RUNX1T1: variants seen among roughly 807,000 people sequenced by gnomAD.
The protein encoded by RUNX1T1 is protein CBFA2T1.
RUNX1T1 carries 4 observed loss-of-function variants against 62.8 expected under a neutral mutation model. The observed-to-expected ratio is 0.06, with a 90% CI of 0.03 to 0.15. RUNX1T1 has a LOEUF of 0.15. Ranked by LOEUF, RUNX1T1 falls within the 10% of genes least tolerant of loss-of-function variation. RUNX1T1 has a pLI of 1.00. For synonymous variants in RUNX1T1, 291 were observed against 286.0 expected, an observed-to-expected ratio of 1.02 and a Z score of -0.18; for missense variants, 508 against 754.3, an observed-to-expected ratio of 0.67 and a Z score of 3.82.
At chr8:92,085,577 A>G (rs555135816) in intron 1 of RUNX1T1, among the ~76,000 whole-genome samples, 9 of 152,210 alleles carry the variant, frequency 5.9e-5, no homozygotes, top group Non-Finnish European at 1.3e-4. Flanking sequence ...AATTCACTAC[A>G]GAGGGAGAAG....
chr8:92,057,263 A>C (rs991340637), intron 1 of RUNX1T1, among the ~76,000 whole-genome samples: 1 of 152,204 alleles, frequency 6.6e-6, no homozygotes, highest in Non-Finnish European at 1.5e-5. Flanking sequence ...TCTAGCCTTC[A>C]TTACAAAAGA....
At chr8:92,029,151 TA>T (rs1825785937) in intron 1 of RUNX1T1, among the ~76,000 whole-genome samples, 1 of 152,178 alleles carries the variant, frequency 6.6e-6, no homozygotes, top group East Asian at 1.9e-4. Flanking sequence ...AGCAGGAGTT[TA>T]AATGAACATT....
chr8:91,959,282 G>T, exon 11 of RUNX1T1: 1 of 221,040 alleles, frequency 4.5e-6, no homozygotes, highest in Non-Finnish European at 9.2e-6. Context: ...AAATGAATGA[G>T]CTGGAATAGA....
intron 5 of RUNX1T1, among the ~76,000 whole-genome samples, chr8:91,997,199 G>C (rs1191706813): frequency 6.6e-6 from 1 of 152,146 alleles, no homozygotes; most frequent in African/African-American, 2.4e-5. Flanking sequence ...TAGCTAGTGT[G>C]TGCTGGTAAT....
chr8:91,972,094 C>A (rs1446660225), intron 9 of RUNX1T1, among the ~76,000 whole-genome samples: 1 of 152,080 alleles, frequency 6.6e-6, no homozygotes, highest in Non-Finnish European at 1.5e-5. Flanking sequence ...AATTGTTTCA[C>A]CCACTTAAAA....
At position 92,090,190 on chromosome 8, in the gene RUNX1T1, C is replaced by CTT. The variant is rs113019970; in HGVS notation, c.-86+9388_-86+9389dup. ...AGCGACTGCACACAGACACCAGGTC[C>CTT]TTTTTTTTTTTTTTCTAATACGGAG... On this transcript the variant is annotated intron_variant, in intron 1 of 11. Coordinates refer to the RUNX1T1 transcript ENST00000265814. 4.2e-5 allele frequency among the ~76,000 whole-genome samples: 6 copies of CTT among 141,460 alleles called. No homozygotes were observed. The South Asian group carries it at 1.1e-3, about 27-fold the overall frequency. 92.8% of individuals were successfully genotyped at this position (141,460 alleles called of 152,430 possible).
chr8:92,003,561 A>T (rs1297788317), intron 5 of RUNX1T1, among the ~76,000 whole-genome samples: 1 of 152,112 alleles, frequency 6.6e-6, no homozygotes, highest in Non-Finnish European at 1.5e-5. Flanking sequence ...AACAACCCTA[A>T]ATAAATTTCC....
chr8:92,013,671 A>T (rs1822423978), intron 3 of RUNX1T1, among the ~76,000 whole-genome samples: 1 of 152,192 alleles, frequency 6.6e-6, no homozygotes, highest in African/African-American at 2.4e-5. Context: ...TCTACAGAAA[A>T]TCACAACACA....
chr8:92,081,604 G>C (rs774322674), intron 1 of RUNX1T1, among the ~76,000 whole-genome samples: 3 of 146,926 alleles, frequency 2.0e-5, no homozygotes, highest in Non-Finnish European at 4.5e-5. Context: ...AGAGGAGACA[G>C]AACCAGAATC....
chr8:92,013,140 G>A (rs1051337138), intron 3 of RUNX1T1, among the ~76,000 whole-genome samples: 1 of 152,048 alleles, frequency 6.6e-6, no homozygotes, highest in African/African-American at 2.4e-5. Context: ...GATTTACTTT[G>A]TGGTTCCTTG....
At chr8:91,989,029 T>G (rs1024343486) in intron 6 of RUNX1T1, among the ~76,000 whole-genome samples, 7 of 152,166 alleles carry the variant, frequency 4.6e-5, no homozygotes, top group African/African-American at 1.7e-4. Flanking sequence ...GGGGGAAATA[T>G]CTCGTAATCA....
intron 1 of RUNX1T1, among the ~76,000 whole-genome samples, chr8:92,034,540 A>G (rs1444560968): frequency 6.6e-6 from 1 of 152,070 alleles, no homozygotes; most frequent in African/African-American, 2.4e-5. Context: ...TATGCATTTA[A>G]CGGAGATTTC....
chr8:92,014,325 T>C (rs760285869), intron 3 of RUNX1T1, among the ~76,000 whole-genome samples: 3 of 152,064 alleles, frequency 2.0e-5, no homozygotes. Context: ...AACATGTTTA[T>C]GGCCAATATA....
intron 1 of RUNX1T1, among the ~76,000 whole-genome samples, chr8:92,099,364 T>C (rs1019631273): frequency 6.6e-6 from 1 of 152,220 alleles, no homozygotes; most frequent in Non-Finnish European, 1.5e-5. Flanking sequence ...AAATTAACTA[T>C]GAATGTAAGT....
rs372493037 is a variant in RUNX1T1, at chr8:91,966,919, G to GA, written c.1458+3738dup. On this transcript the variant is annotated intron_variant, in intron 10 of 10. Transcript: ENST00000396218. ...AAAAATAGATACAGTACACAATTAG[G>GA]AAAAAACAAACAAACAAACAAACAA... Among the ~76,000 whole-genome samples the GA allele has an allele frequency of 2.0e-5, 3 of 151,892 alleles. No homozygotes were observed. The East Asian group carries it at 5.8e-4, about 29-fold the overall frequency.
chr8:92,005,763 G>A (rs1460034074), intron 4 of RUNX1T1: 1 of 152,764 alleles, frequency 6.5e-6, no homozygotes, highest in East Asian at 1.9e-4. Context: ...GCTAATCCCA[G>A]AAAATATCTT....
chr8:92,034,281 T>C (rs1261313513), intron 1 of RUNX1T1, among the ~76,000 whole-genome samples: 2 of 152,040 alleles, frequency 1.3e-5, no homozygotes, highest in Non-Finnish European at 2.9e-5. Context: ...AGACTAGAGA[T>C]CACCTTGGGG....
chr8:91,970,706 C>A, exon 10 of RUNX1T1: 1 of 1,613,298 alleles, frequency 6.2e-7, no homozygotes, highest in Non-Finnish European at 8.5e-7. Context: ...CGTCCTCCGC[C>A]GCCTGCCGTT....
chr8:91,978,078 C>G (rs377599580), intron 8 of RUNX1T1, among the ~76,000 whole-genome samples: 5 of 151,978 alleles, frequency 3.3e-5, no homozygotes, highest in Admixed American at 3.3e-4. Flanking sequence ...CATGCCCAGC[C>G]TATAAACATT....
Sources: allele counts gnomAD v4.1 joint callset (sites outside exome capture counted in the v4.1 genomes callset), GRCh38; gene constraint gnomAD v4.1.1; transcripts MANE v1.5; gene names NCBI Gene and HGNC (gene_info 2026-07-23, HGNC 2026-07-21).